The following CRHR1 variants were observed in gnomAD, a reference collection of about 807,000 sequenced individuals.
CRHR1 encodes the protein corticotropin-releasing hormone receptor 1.
CRHR1 carries 28 observed loss-of-function variants against 56.0 expected under a neutral mutation model. The observed-to-expected ratio is 0.50, with a 90% CI of 0.37 to 0.69. The LOEUF (loss-of-function observed/expected upper bound fraction) is 0.69, where lower values mean the gene tolerates loss of function less well. CRHR1 is among the 30% of genes least tolerant of loss of function. The pLI is 0.00. For synonymous variants in CRHR1, 195 were observed against 216.5 expected (o/e 0.90, Z 0.87); for missense variants, 376 against 548.0 (o/e 0.69, Z 3.13).
chr17:45,830,814 G>A (rs1405409902), intron 7 of CRHR1, 66 bp from the exon 8 acceptor site: 1 of 1,524,096 alleles, frequency 6.6e-7, no homozygotes, highest in Non-Finnish European at 9.0e-7. Flanking sequence ...GGCTGCACTG[G>A]GGTTCTCCAG....
intron 1 of CRHR1, among the ~76,000 whole-genome samples, chr17:45,788,560 G>A (rs2061374403): frequency 6.6e-6 from 1 of 152,150 alleles, no homozygotes; most frequent in Admixed American, 6.5e-5. Context: ...ATAAAATGGG[G>A]GAAATGCCTA....
At chr17:45,820,231 G>T (rs1348792888) in intron 3 of CRHR1, among the ~76,000 whole-genome samples, 1 of 152,216 alleles carries the variant, frequency 6.6e-6, no homozygotes, top group Non-Finnish European at 1.5e-5. Flanking sequence ...AGGCAGTTCT[G>T]CCTGAAGTCA....
In CRHR1 at chr17:45,831,933, T is replaced by TTGACTCCCTCC. The variant is rs536904593; in HGVS notation, c.770+1011_770+1021dup. On this transcript the variant is annotated intron_variant, in intron 8 of 12. Transcript: ENST00000314537. ...AAGATTATCTTGCGTGTTTATGTGGTTGACTCCCTCCTGACTCCCTCCTGA... is the reference window on the plus strand; with the variant it reads ...AAGATTATCTTGCGTGTTTATGTGGTTGACTCCCTCCTGACTCCCTCCTGACTCCCTCCTGA... Among the ~76,000 whole-genome samples, 496 of 152,240 alleles carry TTGACTCCCTCC rather than the reference T, an allele frequency of 3.3e-3. 4 individuals carry two copies. Among genetic ancestry groups the TTGACTCCCTCC allele is most frequent in the African/African-American group, 0.012 (478 of 41,528 alleles).
chr17:45,835,076 C>T lies in CRHR1; in HGVS notation c.*312C>T, dbSNP rs901788950. On this transcript the variant is annotated 3_prime_UTR_variant, in exon 13 of 13. Coordinates refer to ENST00000314537, the MANE Select transcript of CRHR1 (RefSeq NM_004382.5). ...GGACACCTACAGCAGCACGCATGTC[C>T]CTCCAAGGCTGTCTTCTCCCAGAGC... is the stretch of plus-strand genomic sequence containing the variant. 2.3e-5 allele frequency: 9 copies of T among 387,666 alleles called. No homozygotes were observed. Among genetic ancestry groups the T allele is most frequent in the Non-Finnish European group, 3.7e-5 (8 of 215,326 alleles). The allele number at this position is 387,666 out of a possible 1,614,324, so 24.0% of individuals were successfully genotyped here. A position where few individuals can be genotyped will look rare whatever the true frequency, so the allele number is the denominator to read the frequency against.
chr17:45,818,256 C>T (rs892561867), intron 3 of CRHR1, among the ~76,000 whole-genome samples: 2 of 152,204 alleles, frequency 1.3e-5, no homozygotes, highest in African/African-American at 4.8e-5. Context: ...TGGGTGGGGC[C>T]GGCCAGGCTG....
intron 2 of CRHR1, among the ~76,000 whole-genome samples, chr17:45,815,020 G>C (rs192718015): frequency 6.6e-6 from 1 of 152,374 alleles, no homozygotes; most frequent in South Asian, 2.1e-4. Context: ...GCAGAGAAAG[G>C]GAGCCAATTT....
At chr17:45,810,679 C>A (rs1393608800) in intron 2 of CRHR1, among the ~76,000 whole-genome samples, 2 of 152,186 alleles carry the variant, frequency 1.3e-5, no homozygotes, top group Non-Finnish European at 2.9e-5. Flanking sequence ...CTCCCGTATG[C>A]CTGGCACTGT....
chr17:45,830,333 G>C, intron 6 of CRHR1, 84 bp from the exon 7 acceptor site: 1 of 1,584,122 alleles, frequency 6.3e-7, no homozygotes, highest in Admixed American at 1.7e-5. Context: ...GGTATGCCCT[G>C]TCCTGCCCTG....
intron 3 of CRHR1, among the ~76,000 whole-genome samples, chr17:45,821,045 G>A (rs1718166959): frequency 6.6e-6 from 1 of 152,210 alleles, no homozygotes; most frequent in African/African-American, 2.4e-5. Context: ...ACCACATAAT[G>A]ACTTGCAAAG....
chr17:45,788,436 G>A (rs899130756), intron 1 of CRHR1, among the ~76,000 whole-genome samples: 1 of 152,166 alleles, frequency 6.6e-6, no homozygotes, highest in African/African-American at 2.4e-5. Context: ...AAAGAGGGGG[G>A]TGCCACGAAC....
chr17:45,829,701 G>A, intron 5 of CRHR1: 4 of 1,491,620 alleles, frequency 2.7e-6, no homozygotes, highest in Non-Finnish European at 3.7e-6. Flanking sequence ...GCCGGGGATG[G>A]GGATGGTTGG....
In CRHR1 at chr17:45,784,683, C is replaced by A; in HGVS notation, c.33+106C>A. On this transcript the variant is annotated intron_variant, in intron 1 of 12. Transcript: ENST00000314537. The surrounding 1 kb of genome is among the most constrained non-coding windows in gnomAD (Gnocchi z 4.2). The stretch of plus-strand genomic sequence containing the variant: ...GATGGGGGCGGGGGCGCTGGGAGAG[C>A]CGTGCTTAGGTCGGGGAAGGCTGGG... 3.3e-6 allele frequency: 4 copies of A among 1,219,154 alleles called. No individual in the cohort carries two copies. The highest frequency in any genetic ancestry group is 4.4e-6 in the Non-Finnish European group (4 of 915,446). 75.5% of individuals were successfully genotyped at this position (1,219,154 alleles called of 1,614,324 possible).
chr17:45,784,411 C>T lies in CRHR1; in HGVS notation c.-134C>T, dbSNP rs956104646. ...CGGGGCCGGGAAGCGCCGAGCCGGG[C>T]ATCTCCTCACCAGGCAGCGACCGAG... On this transcript the variant is annotated 5_prime_UTR_variant, in exon 1 of 13. Coordinates refer to ENST00000314537, the MANE Select transcript of CRHR1 (RefSeq NM_004382.5). This position sits in a 1 kb window ranked among gnomAD's most constrained non-coding sequence, Gnocchi z 4.2. 6.1e-6 allele frequency: 4 copies of T among 652,550 alleles called. No individual in the cohort carries two copies. The highest frequency in any genetic ancestry group is 1.9e-5 in the African/African-American group (1 of 52,246). The allele number at this position is 652,550 out of a possible 1,614,324, so 40.4% of individuals were successfully genotyped here.
chr17:45,810,626 A>G (rs1418641649), intron 2 of CRHR1, among the ~76,000 whole-genome samples: 2 of 151,918 alleles, frequency 1.3e-5, no homozygotes, highest in Non-Finnish European at 2.9e-5. Flanking sequence ...AGTTTTCCGT[A>G]CCCACACTAG....
chr17:45,813,227 C>T (rs1042285961), intron 2 of CRHR1, among the ~76,000 whole-genome samples: 6 of 152,212 alleles, frequency 3.9e-5, no homozygotes, highest in Admixed American at 6.5e-5. Context: ...GCTGCCTCCT[C>T]CCTGCCCTTG....
chr17:45,806,129 G>A (rs751872395), intron 1 of CRHR1, among the ~76,000 whole-genome samples: 3 of 152,172 alleles, frequency 2.0e-5, no homozygotes, highest in Non-Finnish European at 4.4e-5. Flanking sequence ...CTAGACACTC[G>A]GCCTCTCTCT....
At position 45,812,374 on chromosome 17, in the gene CRHR1, T is replaced by C. The variant is rs899572441; in HGVS notation, c.122-4089T>C. 1.1e-4 allele frequency among the ~76,000 whole-genome samples: 16 copies of C among 152,368 alleles called. No homozygotes were observed. In the East Asian group the frequency reaches 3.1e-3, roughly 29 times the overall value. ...GGAGGCGTTGGCACCTAACAGCACC[T>C]CTGCCTTTGTGCAGCTGGTTGGTAA... On this transcript the variant is annotated intron_variant, in intron 2 of 12. Transcript: ENST00000314537.
intron 2 of CRHR1, among the ~76,000 whole-genome samples, chr17:45,814,785 G>A (rs1159932836): frequency 2.0e-5 from 3 of 152,246 alleles, no homozygotes; most frequent in South Asian, 2.1e-4. Flanking sequence ...CAGAGACTCC[G>A]CTGTGGCACA....
chr17:45,816,372 G>A (rs1257927228), intron 2 of CRHR1, 91 bp from the exon 3 acceptor site: 11 of 1,547,920 alleles, frequency 7.1e-6, no homozygotes, highest in Non-Finnish European at 8.7e-6. Context: ...GGAACGAGTG[G>A]GGAGGTGGGC....
Sources: gnomAD v4.1 joint callset for allele counts (sites outside exome capture counted in the v4.1 genomes callset) on GRCh38, gnomAD v4.1.1 for gene constraint, Gnocchi (gnomAD v3.1) non-coding constraint, MANE v1.5 for transcripts, NCBI Gene and HGNC (gene_info 2026-07-23, HGNC 2026-07-21) for gene names.